Variants in MAMLD1 observed in about 807,000 individuals in gnomAD.
The protein encoded by MAMLD1 is mastermind like domain containing 1.
In MAMLD1, 14 loss-of-function variants were observed where a neutral mutation model predicts 45.0. The ratio of observed to expected loss-of-function variants is 0.31; its 90% CI spans 0.21 to 0.49. The LOEUF (loss-of-function observed/expected upper bound fraction) is 0.49. Ranked by LOEUF, MAMLD1 falls within the 20% of genes least tolerant of loss-of-function variation. The probability of loss-of-function intolerance (pLI) is 0.99; values close to 1 mark genes in which losing one functional copy is unlikely to be tolerated. For synonymous variants in MAMLD1, 254 were observed against 247.8 expected, an observed-to-expected ratio of 1.02 and a Z score of -0.24; for missense variants, 543 against 603.6, an observed-to-expected ratio of 0.90 and a Z score of 1.05.
chrX:150,371,050 G>A (rs943936306), intron 1 of MAMLD1, among the ~76,000 whole-genome samples: 4 of 110,989 alleles, frequency 3.6e-5, no homozygotes, highest in Non-Finnish European at 7.6e-5. Flanking sequence ...AAGAGGGTGG[G>A]CTCTTCATAC....
chrX:150,425,247 T>A (rs1355083645), intron 1 of MAMLD1, among the ~76,000 whole-genome samples: 1 of 111,641 alleles, frequency 9.0e-6, no homozygotes, highest in Non-Finnish European at 1.9e-5. Context: ...TCAATCCTCT[T>A]GGGCATATAT....
chrX:150,424,043 G>A (rs782304672), intron 1 of MAMLD1, among the ~76,000 whole-genome samples: 1 of 112,540 alleles, frequency 8.9e-6, no homozygotes, highest in South Asian at 3.7e-4. Flanking sequence ...AGATAGTCTT[G>A]CTCTGCCTTC....
At chrX:150,377,912 C>T (rs1557401519) in intron 1 of MAMLD1, among the ~76,000 whole-genome samples, 1 of 108,746 alleles carries the variant, frequency 9.2e-6, no homozygotes, top group African/African-American at 3.4e-5. Context: ...CTTTTATCTC[C>T]AAATACTGCA....
intron 3 of MAMLD1, among the ~76,000 whole-genome samples, chrX:150,468,159 G>A (rs1180077984): frequency 1.8e-5 from 2 of 111,836 alleles, no homozygotes; most frequent in African/African-American, 6.5e-5. Flanking sequence ...CTGTCAGTTT[G>A]TGGTGGGAGG....
At chrX:150,377,485 T>G (rs782329702) in intron 1 of MAMLD1, among the ~76,000 whole-genome samples, 273 of 111,962 alleles carry the variant, frequency 2.4e-3, no homozygotes, top group Non-Finnish European at 3.7e-3. Context: ...GATGAACTAG[T>G]ACTTTCTGAA....
intron 3 of MAMLD1, among the ~76,000 whole-genome samples, chrX:150,466,343 T>C (rs1279575681): frequency 8.9e-6 from 1 of 112,608 alleles, no homozygotes; most frequent in Non-Finnish European, 1.9e-5. Context: ...TCAGGCTCAC[T>C]GTTGAAAGCT....
At chrX:150,459,947 C>T (rs1602890722) in intron 2 of MAMLD1, among the ~76,000 whole-genome samples, 1 of 111,578 alleles carries the variant, frequency 9.0e-6, no homozygotes, top group Non-Finnish European at 1.9e-5. Flanking sequence ...CAGCCCCCAC[C>T]AATTTGGAGA....
chrX:150,395,892 G>A (rs1462380704), intron 1 of MAMLD1, among the ~76,000 whole-genome samples: 3 of 109,598 alleles, frequency 2.7e-5, no homozygotes, highest in Non-Finnish European at 5.7e-5. Flanking sequence ...TGGTTTCAAT[G>A]ATTTTTCTCT....
chrX:150,502,129 G>C (rs1279054856), intron 5 of MAMLD1, among the ~76,000 whole-genome samples: 1 of 113,019 alleles, frequency 8.8e-6, no homozygotes, highest in South Asian at 3.6e-4. Flanking sequence ...AATTTTTATT[G>C]TTATTTCAAA....
chrX:150,501,144 T>C (rs2037541243), intron 5 of MAMLD1, among the ~76,000 whole-genome samples: 1 of 112,155 alleles, frequency 8.9e-6, no homozygotes, highest in Non-Finnish European at 1.9e-5. Context: ...GACCCATCAC[T>C]AATATCTTGC....
rs2037946648 is a variant in MAMLD1 at position 150,512,940 on chromosome X, C to T, written c.*981C>T. 2 of 1,154,594 alleles carry T rather than the reference C, an allele frequency of 1.7e-6. No individual in the cohort carries two copies. The highest frequency in any genetic ancestry group is 1.1e-6 in the Non-Finnish European group (1 of 872,640). The stretch of plus-strand genomic sequence containing the variant: ...TTCATTGAAGCTCTCTTGAAAGGCT[C>T]CTGTGTGAGCCCAGATGAAGACTGG... On this transcript the variant is annotated 3_prime_UTR_variant, in exon 8 of 8. Coordinates refer to ENST00000370401, the MANE Select transcript of MAMLD1 (RefSeq NM_005491.5).
chrX:150,425,553 G>A (rs1048785037), intron 1 of MAMLD1, among the ~76,000 whole-genome samples: 1 of 112,039 alleles, frequency 8.9e-6, no homozygotes, highest in South Asian at 3.7e-4. Context: ...TTGTGCTCCA[G>A]CACACCAAGT....
chrX:150,450,856 T>C (rs2035640396), intron 2 of MAMLD1, among the ~76,000 whole-genome samples: 2 of 112,489 alleles, frequency 1.8e-5, no homozygotes, highest in African/African-American at 6.5e-5. Flanking sequence ...AGGGCTGCAG[T>C]GTGTATGCGC....
At chrX:150,389,820 G>A (rs1339444846) in intron 1 of MAMLD1, among the ~76,000 whole-genome samples, 2 of 111,656 alleles carry the variant, frequency 1.8e-5, no homozygotes, top group African/African-American at 6.5e-5. Context: ...CCATTGTTTG[G>A]TACATACACA....
intron 5 of MAMLD1, among the ~76,000 whole-genome samples, chrX:150,474,607 A>G (rs2036529492): frequency 8.9e-6 from 1 of 111,912 alleles, no homozygotes; most frequent in South Asian, 3.7e-4. Context: ...TGTACCCACC[A>G]TGAGATTGAT....
chrX:150,383,350 C>T (rs894011966), intron 1 of MAMLD1, among the ~76,000 whole-genome samples: 1 of 111,130 alleles, frequency 9.0e-6, no homozygotes, highest in Non-Finnish European at 1.9e-5. Flanking sequence ...AGATTTACTT[C>T]GTATGTAAAT....
chrX:150,506,486 A>G (rs781831096), intron 6 of MAMLD1, among the ~76,000 whole-genome samples: 1 of 110,580 alleles, frequency 9.0e-6, no homozygotes, highest in Admixed American at 9.6e-5. Context: ...AAGTCTTGTC[A>G]TTTGAATTCT....
rs782809406 is a variant in MAMLD1, at chrX:150,367,659, T to G, written c.-64+4129T>G. Among the ~76,000 whole-genome samples the G allele has an allele frequency of 3.9e-3, 437 of 111,801 alleles. 4 individuals are homozygous for G. The highest frequency in any genetic ancestry group is 0.014 in the African/African-American group (417 of 30,718). On this transcript the variant is annotated intron_variant, in intron 1 of 7. Coordinates refer to ENST00000370401, the MANE Select transcript of MAMLD1 (RefSeq NM_005491.5). ...GTGCCATGTTGGTGTGCTGCACCCATTAACTCGTCATTTAACATTAGGTAT... is the reference window on the plus strand; with the variant it reads ...GTGCCATGTTGGTGTGCTGCACCCAGTAACTCGTCATTTAACATTAGGTAT...
At chrX:150,507,309 C>T (rs1241604153) in intron 6 of MAMLD1, among the ~76,000 whole-genome samples, 1 of 112,596 alleles carries the variant, frequency 8.9e-6, no homozygotes, top group Non-Finnish European at 1.9e-5. Context: ...CATTTTCCAA[C>T]GATTCTAATT....
Sources: gnomAD v4.1 joint callset for allele counts (sites outside exome capture counted in the v4.1 genomes callset) on GRCh38, gnomAD v4.1.1 for gene constraint, MANE v1.5 for transcripts, NCBI Gene and HGNC (gene_info 2026-07-23, HGNC 2026-07-21) for gene names.